The following CDH1 variants were observed in gnomAD, a reference collection of about 807,000 sequenced individuals.
The protein encoded by CDH1 is cadherin-1.
Under a neutral mutation model 84.5 loss-of-function variants are expected in CDH1, and 35 were observed. The observed-to-expected ratio is 0.41, with a 90% CI of 0.32 to 0.55. The LOEUF (loss-of-function observed/expected upper bound fraction) is 0.55, where lower values mean the gene tolerates loss of function less well. Ranked by LOEUF, CDH1 falls within the 20% of genes least tolerant of loss-of-function variation. The pLI is 0.19. For synonymous variants in CDH1, 417 were observed against 439.0 expected (o/e 0.95, Z 0.63); for missense variants, 994 against 1,126.6 (o/e 0.88, Z 1.68).
intron 1 of CDH1, among the ~76,000 whole-genome samples, chr16:68,737,700 G>A (rs914970900): frequency 6.6e-6 from 1 of 152,170 alleles, no homozygotes; most frequent in Non-Finnish European, 1.5e-5. Flanking sequence ...AGACCGAGGC[G>A]GGGGCGTCTG....
chr16:68,786,524 T>C (rs1418791115), intron 2 of CDH1, among the ~76,000 whole-genome samples: 1 of 137,138 alleles, frequency 7.3e-6, no homozygotes, highest in Non-Finnish European at 1.5e-5. Flanking sequence ...TGCTTTCTTT[T>C]TTTTTTTTTC....
intron 2 of CDH1, among the ~76,000 whole-genome samples, chr16:68,739,211 G>A (rs2152114779): frequency 6.6e-6 from 1 of 151,966 alleles, no homozygotes; most frequent in African/African-American, 2.4e-5. Flanking sequence ...TCAGGAGTTC[G>A]AGACCAGCCT....
At chr16:68,816,376 A>G (rs143578709) in intron 10 of CDH1, among the ~76,000 whole-genome samples, 7 of 152,330 alleles carry the variant, frequency 4.6e-5, no homozygotes, top group African/African-American at 1.7e-4. Flanking sequence ...AGGTACCTCT[A>G]TAATGTAAAT....
chr16:68,813,431 A>C lies in CDH1; in HGVS notation c.1256A>C (p.Asp419Ala), dbSNP rs2152133545. 6.2e-7 allele frequency: 1 copy of C among 1,614,194 alleles called. No individual in the cohort carries two copies. Among genetic ancestry groups the C allele is most frequent in the Non-Finnish European group, 8.5e-7 (1 of 1,180,036 alleles). ...GCTGTATACACCATATTGAATGATG[A>C]TGGTGGACAATTTGTCGTCACCACA... ...WEAVYTILND[D>A]GGQFVVTTNP... The change falls in exon 9 of 16, where the codon GAT becomes GCT. Residue 419 changes from aspartate (D) to alanine (A), a missense_variant. This residue lies in a region of CDH1 where 769 missense variants were observed against 881.8 expected (regional missense o/e 0.87). Transcript: ENST00000261769.
At chr16:68,818,539 T>TC (rs1374804366) in intron 10 of CDH1, among the ~76,000 whole-genome samples, 2 of 149,564 alleles carry the variant, frequency 1.3e-5, no homozygotes, top group East Asian at 3.9e-4. Context: ...TTTTCTTTTT[T>TC]TTTTTTTTTT....
rs1960066864 is a variant in CDH1, at chr16:68,786,878, T to A, written c.164-14792T>A. 2.0e-5 allele frequency among the ~76,000 whole-genome samples: 3 copies of A among 152,200 alleles called. No homozygotes were observed. The East Asian group carries it at 5.8e-4, about 29-fold the overall frequency. ...CAGTGTTGGCTCCCAGCTGTTCTCT[T>A]GGGCTGTTTGAGTTTTGTTCCAAAG... On this transcript the variant is annotated intron_variant, in intron 2 of 15. Transcript: ENST00000261769.
intron 10 of CDH1, among the ~76,000 whole-genome samples, chr16:68,817,138 CCTT>C (rs1248709770): frequency 6.6e-6 from 1 of 152,212 alleles, no homozygotes; most frequent in East Asian, 1.9e-4. Context: ...GCCCTTTCCT[CCTT>C]TGATTTCTTA....
chr16:68,796,134 G>A (rs1275592428), intron 2 of CDH1, among the ~76,000 whole-genome samples: 1 of 151,954 alleles, frequency 6.6e-6, no homozygotes, highest in Non-Finnish European at 1.5e-5. Context: ...TGGCACTCCA[G>A]CCCGGGTGAC....
intron 11 of CDH1, among the ~76,000 whole-genome samples, chr16:68,820,444 A>T (rs1961110568): frequency 1.3e-5 from 2 of 149,734 alleles, no homozygotes; most frequent in South Asian, 4.2e-4. Flanking sequence ...TCCGCCTCCC[A>T]GGTTCAAGCA....
intron 3 of CDH1, among the ~76,000 whole-genome samples, chr16:68,802,380 T>C (rs545046129): frequency 6.6e-6 from 1 of 152,320 alleles, no homozygotes; most frequent in East Asian, 1.9e-4. Context: ...ACATGTGAAA[T>C]GCTAAAAATA....
intron 5 of CDH1, 105 bp downstream of exon 5, chr16:68,808,953 A>G: frequency 9.4e-7 from 1 of 1,066,646 alleles, no homozygotes; most frequent in Non-Finnish European, 1.4e-6. Flanking sequence ...ACACATGAGG[A>G]GCTTAACTTG....
In CDH1 at chr16:68,829,731, C is replaced by T. The variant is rs1411069226; in HGVS notation, c.2373C>T (p.Leu791=). The T allele has an allele frequency of 1.2e-6, 2 of 1,614,140 alleles. No individual in the cohort carries two copies. Among genetic ancestry groups the T allele is most frequent in the South Asian group, 2.2e-5 (2 of 91,082 alleles). ...EVTRNDVAPT[L]MSVPRYLPRP... ...CTCGTAACGACGTTGCACCAACCCT[C>T]ATGAGTGTCCCCCGGTATCTTCCCC... Residue 791 remains leucine, a synonymous_variant, in exon 15 of 16, where the codon CTC becomes CTT. Coordinates refer to ENST00000261769, the MANE Select transcript of CDH1 (RefSeq NM_004360.5).
intron 12 of CDH1, chr16:68,822,550 AT>A: frequency 1.9e-6 from 1 of 515,186 alleles, no homozygotes. Flanking sequence ...AAACAACACC[AT>A]TTTTGTGGTT....
chr16:68,779,299 C>G (rs1959811759), intron 2 of CDH1, among the ~76,000 whole-genome samples: 2 of 152,200 alleles, frequency 1.3e-5, no homozygotes, highest in African/African-American at 4.8e-5. Flanking sequence ...CTCTTTACTC[C>G]CTGCACAGAG....
intron 2 of CDH1, among the ~76,000 whole-genome samples, chr16:68,748,502 A>G (rs1397353295): frequency 6.6e-6 from 1 of 152,214 alleles, no homozygotes; most frequent in Non-Finnish European, 1.5e-5. Flanking sequence ...GCTATGCGGT[A>G]TGGATGCACC....
intron 2 of CDH1, among the ~76,000 whole-genome samples, chr16:68,750,150 C>CTTTTTTTTTTTTTTTTTTTTTTTTTTTCT (rs34551002): frequency 1.3e-5 from 1 of 79,096 alleles, no homozygotes; most frequent in Non-Finnish European, 2.6e-5. Context: ...TAGAATTCAG[C>CTTTTTTTTTTTTTTTTTTTTTTTTTTTCT]TTTTTTTTTT....
At chr16:68,779,770 G>A (rs543313702) in intron 2 of CDH1, among the ~76,000 whole-genome samples, 3 of 152,256 alleles carry the variant, frequency 2.0e-5, no homozygotes, top group South Asian at 4.1e-4. Context: ...GAAGAATTGC[G>A]TGAACCTGGG....
intron 2 of CDH1, among the ~76,000 whole-genome samples, chr16:68,740,714 T>C (rs1962542315): frequency 6.6e-6 from 1 of 152,102 alleles, no homozygotes; most frequent in Non-Finnish European, 1.5e-5. Flanking sequence ...AACACTAATA[T>C]GTTAATAATT....
In CDH1 at chr16:68,812,262, C is replaced by A. The variant is rs587782856; in HGVS notation, c.1136C>A (p.Thr379Lys). Reference sequence around the variant, plus strand: ...AATCCTCCGATCTTCAATCCCACCACGGTAATTCTATAACTCCTTAGAGGG... The same window carrying A: ...AATCCTCCGATCTTCAATCCCACCAAGGTAATTCTATAACTCCTTAGAGGG... ...NDNPPIFNPT[T>K]YKGQVPENEA... The change falls in exon 8 of 16, where the codon ACG (threonine) becomes AAG (lysine). Residue 379 changes from threonine to lysine, a missense_variant and splice_region_variant. By Grantham distance (78) the Thr-to-Lys change is moderately conservative. Transcript: ENST00000261769. 1 of 1,614,062 alleles carries A rather than the reference C, an allele frequency of 6.2e-7. No individual in the cohort carries two copies. The highest frequency in any genetic ancestry group is 1.1e-5 in the South Asian group (1 of 91,062).
Sources: gnomAD v4.1 joint callset for allele counts (sites outside exome capture counted in the v4.1 genomes callset) on GRCh38, gnomAD v4.1.1 for gene constraint, gnomAD v4.1.1 regional missense constraint, MANE v1.5 for transcripts, NCBI Gene and HGNC (gene_info 2026-07-23, HGNC 2026-07-21) for gene names.